The following SLC12A4 variants were observed in gnomAD, a reference collection of about 807,000 sequenced individuals.
SLC12A4 encodes the protein electroneutral potassium-chloride cotransporter 1.
Under a neutral mutation model 119.2 loss-of-function variants are expected in SLC12A4, and 84 were observed. The observed-to-expected ratio is 0.70, with a 90% CI of 0.59 to 0.85. SLC12A4 has a LOEUF of 0.85. Among genes scored for constraint, SLC12A4 ranks in the 40% least tolerant of loss-of-function variants. SLC12A4 has a pLI of 0.00. For missense variants in SLC12A4, 1,298 were observed against 1,476.3 expected, an observed-to-expected ratio of 0.88 and a Z score of 1.98; for synonymous variants, 599 against 604.6, an observed-to-expected ratio of 0.99 and a Z score of 0.14.
At chr16:67,953,610 G>T (rs1384135552) in intron 6 of SLC12A4, among the ~76,000 whole-genome samples, 2 of 152,170 alleles carry the variant, frequency 1.3e-5, no homozygotes, top group African/African-American at 2.4e-5. Context: ...GCGCAACTCT[G>T]TGAATATACT....
rs909519327 is a variant in SLC12A4, at chr16:67,950,846, G to A, written c.1396+116C>T. The A allele has an allele frequency of 7.0e-7, 1 of 1,423,060 alleles. No individual in the cohort carries two copies. The highest frequency in any genetic ancestry group is 9.8e-7 in the Non-Finnish European group (1 of 1,023,354). The allele number at this position is 1,423,060 out of a possible 1,614,324, so 88.2% of individuals were successfully genotyped here. A position where few individuals can be genotyped will look rare whatever the true frequency, so the allele number is the denominator to read the frequency against. On this transcript the variant is annotated intron_variant, in intron 10 of 23. Transcript: ENST00000316341. The surrounding 1 kb of genome is among the most constrained non-coding windows in gnomAD (Gnocchi z 4.3). Reference sequence around the variant, plus strand: ...GTGGTGTGTATGTGCATGTGTGCATGAGAAGGGGAGCTATATATGAGTGTG... The same window carrying A: ...GTGGTGTGTATGTGCATGTGTGCATAAGAAGGGGAGCTATATATGAGTGTG...
At chr16:67,947,822 A>T (rs776394714) in intron 14 of SLC12A4, 34 bp from the exon 15 acceptor site, 5 of 1,558,294 alleles carry the variant, frequency 3.2e-6, no homozygotes, top group Non-Finnish European at 4.3e-6. Flanking sequence ...TCAGGGCAGG[A>T]CCAGGAGGAC....
At position 67,961,611 on chromosome 16, in the gene SLC12A4, G is replaced by C; in HGVS notation, c.306C>G (p.Ala102=). The C allele has an allele frequency of 3.1e-6, 5 of 1,613,856 alleles. No individual in the cohort carries two copies. Among genetic ancestry groups the C allele is most frequent in the South Asian group, 1.1e-5 (1 of 91,074 alleles). The change falls in exon 3 of 24, where the codon GCC becomes GCG. Residue 102 remains alanine, a synonymous_variant. Transcript: ENST00000316341. ...LTQGAKEHEE[A]ESGEGTRRRA... ...TCCGGCGGGTGCCCTCCCCACTCTC[G>C]GCCTCCTCATGCTCTTTGGCGCCCT...
At chr16:67,964,129 T>C in intron 1 of SLC12A4, 1 of 1,493,756 alleles carries the variant, frequency 6.7e-7, no homozygotes, top group Non-Finnish European at 9.0e-7. Context: ...CCCCAGGCCG[T>C]GGAGAGCGGA....
intron 17 of SLC12A4, 54 bp from the exon 18 acceptor site, chr16:67,946,687 G>A: frequency 2.6e-6 from 4 of 1,560,672 alleles, no homozygotes; most frequent in South Asian, 1.2e-5. Context: ...CTGCCTCTGG[G>A]CTCCCTCCCA....
chr16:67,946,365 C>T (rs113758909), intron 18 of SLC12A4, 25 bp from the exon 19 acceptor site: 1 of 1,605,232 alleles, frequency 6.2e-7, no homozygotes, highest in Non-Finnish European at 8.5e-7. Context: ...CACGGCTGAC[C>T]ACCAGTCTGT....
At position 67,949,361 on chromosome 16, in the gene SLC12A4, G is replaced by C. The variant is rs552212663; in HGVS notation, c.1748+439C>G. On this transcript the variant is annotated intron_variant, in intron 13 of 23. Coordinates refer to ENST00000316341, the MANE Select transcript of SLC12A4 (RefSeq NM_005072.5). The surrounding 1 kb of genome is among the most constrained non-coding windows in gnomAD (Gnocchi z 4.6). ...AGCTACTCAGGAGGCTGAGGCAGGA[G>C]AATTGCTTGAACCCAGGAGGCGGAG... Among the ~76,000 whole-genome samples the C allele has an allele frequency of 2.0e-5, 3 of 152,108 alleles. No individual in the cohort carries two copies. In the South Asian group the frequency reaches 6.2e-4, roughly 32 times the overall value.
At position 67,957,953 on chromosome 16, in the gene SLC12A4, A is replaced by G. The variant is rs773091449; in HGVS notation, c.434T>C (p.Val145Ala). 1.9e-6 allele frequency: 3 copies of G among 1,614,128 alleles called. No individual in the cohort carries two copies. Among genetic ancestry groups the G allele is most frequent in the Non-Finnish European group, 2.5e-6 (3 of 1,179,996 alleles). The part of the protein sequence containing the change: ...VILFLRLTWM[V>A]GTAGVLQALL... ...GGCCTGTAGCACACCTGCTGTGCCC[A>G]CCATCCAGGTCAGCCGCAGGAAGAG... The change falls in exon 4 of 24, where the codon GTG (valine) becomes GCG (alanine). Residue 145 changes from valine (V) to alanine (A), a missense_variant. Physicochemically the swap from Val to Ala is moderately conservative, Grantham distance 64 (BLOSUM62 0). Transcript: ENST00000316341.
chr16:67,964,808 G>T lies in SLC12A4; in HGVS notation c.116-1249C>A, dbSNP rs2030787471. Among the ~76,000 whole-genome samples, 2 of 152,168 alleles carry T rather than the reference G, an allele frequency of 1.3e-5. 1 individual carries two copies. Among genetic ancestry groups the T allele is most frequent in the South Asian group, 4.1e-4 (2 of 4,830 alleles). On this transcript the variant is annotated intron_variant, in intron 1 of 23. Transcript: ENST00000316341. Reference sequence around the variant, plus strand: ...GACTGCAGCTGAGAATGCTGATTGAGGCATCCTCCTGTATCTGATACATCT... The same window carrying T: ...GACTGCAGCTGAGAATGCTGATTGATGCATCCTCCTGTATCTGATACATCT...
At chr16:67,963,941 G>A (rs776656701) in intron 1 of SLC12A4, 18 of 1,551,308 alleles carry the variant, frequency 1.2e-5, no homozygotes, top group Admixed American at 2.0e-5. Context: ...CCAATGTGCA[G>A]GATGCCAAGG....
rs1243855648 is a variant in SLC12A4, at chr16:67,945,199, G to A, written c.3054C>T (p.Arg1018=). Residue 1018 remains arginine (R), a synonymous_variant, in exon 23 of 24, where the codon CGC becomes CGT. Transcript: ENST00000316341. ...HIKPDQSNVR[R]MHTAVKLNEV... is the part of the protein sequence containing the mutation. Reference sequence around the variant, plus strand: ...CATTGAGCTTCACAGCAGTGTGCATGCGCCGCACATTGGATTGGTCCCTAC... The same window carrying A: ...CATTGAGCTTCACAGCAGTGTGCATACGCCGCACATTGGATTGGTCCCTAC... The A allele has an allele frequency of 6.4e-7, 1 of 1,565,908 alleles. No homozygotes were observed. The highest frequency in any genetic ancestry group is 1.2e-5 in the South Asian group (1 of 83,308).
intron 13 of SLC12A4, among the ~76,000 whole-genome samples, chr16:67,948,840 G>A (rs538158574): frequency 1.3e-5 from 2 of 152,208 alleles, no homozygotes; most frequent in Non-Finnish European, 2.9e-5. Flanking sequence ...AGAGGAAGGG[G>A]TGTGGGGGGG....
Position 67,968,578 on chromosome 16 carries a change from C to T in SLC12A4, c.-25G>A, listed in dbSNP as rs2151344461. The T allele has an allele frequency of 3.3e-6, 5 of 1,499,332 alleles. No individual in the cohort carries two copies. Among genetic ancestry groups the T allele is most frequent in the Non-Finnish European group, 3.5e-6 (4 of 1,129,596 alleles). 92.9% of individuals were successfully genotyped at this position (1,499,332 alleles called of 1,614,324 possible). On this transcript the variant is annotated 5_prime_UTR_variant, in exon 1 of 24. Transcript: ENST00000316341. ...TCGTGCGGGCTCGGCCCCGCCGCAC[C>T]CGCCGTCCCAGCCGCCCGCCGCTGT...
rs1402844165 is a variant in SLC12A4, at chr16:67,951,397, T to C, written c.1133-93A>G. ...CCAGAGGCGCAGATGCAGGGCAACT[T>C]TGGGGACTCAGGGAACAGCTTCAGC... On this transcript the variant is annotated intron_variant, in intron 8 of 23. Coordinates refer to ENST00000316341, the MANE Select transcript of SLC12A4 (RefSeq NM_005072.5). The surrounding 1 kb of genome is among the most constrained non-coding windows in gnomAD (Gnocchi z 5.2). 6 of 1,430,530 alleles carry C rather than the reference T, an allele frequency of 4.2e-6. No individual in the cohort carries two copies. The East Asian group carries it at 6.9e-5, about 16-fold the overall frequency. 88.6% of individuals were successfully genotyped at this position (1,430,530 alleles called of 1,614,324 possible). A position where few individuals can be genotyped will look rare whatever the true frequency, so the allele number is the denominator to read the frequency against.
At chr16:67,947,170 C>A in intron 16 of SLC12A4, 65 bp from the exon 17 acceptor site, 1 of 1,530,700 alleles carries the variant, frequency 6.5e-7, no homozygotes, top group African/African-American at 1.4e-5. Flanking sequence ...CCCTCCTCTT[C>A]TTCCCTTCTC....
intron 3 of SLC12A4, among the ~76,000 whole-genome samples, chr16:67,958,455 C>T (rs941189452): frequency 2.0e-5 from 3 of 152,182 alleles, no homozygotes; most frequent in African/African-American, 7.2e-5. Context: ...TAGACACTAA[C>T]TCCTACCCAG....
chr16:67,949,710 T>G lies in SLC12A4; in HGVS notation c.1748+90A>C. Reference sequence around the variant, plus strand: ...CATGCAGCCTGCCACATCTCCCAGCTGGACCTCCAACACCAGACGCAGCCA... The same window carrying G: ...CATGCAGCCTGCCACATCTCCCAGCGGGACCTCCAACACCAGACGCAGCCA... On this transcript the variant is annotated intron_variant, in intron 13 of 23. Transcript: ENST00000316341. This position sits in a 1 kb window ranked among gnomAD's most constrained non-coding sequence, Gnocchi z 4.6. 1.2e-6 allele frequency: 1 copy of G among 848,238 alleles called. No homozygotes were observed. The highest frequency in any genetic ancestry group is 1.9e-6 in the Non-Finnish European group (1 of 537,656). 52.5% of individuals were successfully genotyped at this position (848,238 alleles called of 1,614,324 possible). A position where few individuals can be genotyped will look rare whatever the true frequency, so the allele number is the denominator to read the frequency against.
chr16:67,946,189 G>A lies in SLC12A4; in HGVS notation c.2589C>T (p.Phe863=), dbSNP rs543310403. 4 of 1,613,934 alleles carry A rather than the reference G, an allele frequency of 2.5e-6. No homozygotes were observed. The highest frequency in any genetic ancestry group is 2.2e-5 in the East Asian group (1 of 44,880). Residue 863 remains phenylalanine, a synonymous_variant, in exon 19 of 24, where the codon TTC becomes TTT. Transcript: ENST00000316341. ...HDGGMLMLLP[F]LLRQHKVWRK... The stretch of plus-strand genomic sequence containing the variant: ...GGTCTACCTTATGCTGGCGCAGCAG[G>A]AAGGGCAGAAGCATGAGCATGCCAC...
chr16:67,968,036 C>T (rs1389799380), intron 1 of SLC12A4, among the ~76,000 whole-genome samples: 1 of 152,148 alleles, frequency 6.6e-6, no homozygotes, highest in African/African-American at 2.4e-5. Flanking sequence ...AAGGCAAAGA[C>T]GCTGAATCTC....
Sources: gnomAD v4.1 joint callset for allele counts (sites outside exome capture counted in the v4.1 genomes callset) on GRCh38, gnomAD v4.1.1 for gene constraint, Gnocchi (gnomAD v3.1) non-coding constraint, MANE v1.5 for transcripts, NCBI Gene and HGNC (gene_info 2026-07-23, HGNC 2026-07-21) for gene names.